UBR4: variants seen among roughly 807,000 people sequenced by gnomAD.
UBR4 encodes E3 ubiquitin-protein ligase UBR4.
In UBR4, 124 loss-of-function variants were observed where a neutral mutation model predicts 575.6. The observed-to-expected ratio is 0.22, with a 90% CI of 0.19 to 0.25. The LOEUF is 0.25. Ranked by LOEUF, UBR4 falls within the 10% of genes least tolerant of loss-of-function variation. UBR4 has a pLI of 1.00. For synonymous variants in UBR4, 2,455 were observed against 2,473.7 expected (o/e 0.99, Z 0.22); for missense variants, 4,818 against 6,478.8 (o/e 0.74, Z 8.80).
Position 19,113,754 on chromosome 1 carries a change from T to C in UBR4, c.11402A>G (p.Gln3801Arg), listed in dbSNP as rs1444619714. 6.2e-7 allele frequency: 1 copy of C among 1,614,120 alleles called. No individual in the cohort carries two copies. Among genetic ancestry groups the C allele is most frequent in the Non-Finnish European group, 8.5e-7 (1 of 1,180,046 alleles). The change falls in exon 77 of 106, where the codon CAG (glutamine) becomes CGG (arginine). Residue 3801 changes from glutamine to arginine, a missense_variant. Coordinates refer to ENST00000375254, the MANE Select transcript of UBR4 (RefSeq NM_020765.3). ...GTTCTTGCAGTCTCCACAATACTCCTGAGCCAACTGCAGGATGTAACGATT... is the reference window on the plus strand; with the variant it reads ...GTTCTTGCAGTCTCCACAATACTCCCGAGCCAACTGCAGGATGTAACGATT... Reference protein sequence around the residue: ...SVNRYILQLAQEYCGDCKNSF... With the variant: ...SVNRYILQLAREYCGDCKNSF...
intron 1 of UBR4, among the ~76,000 whole-genome samples, chr1:19,208,466 C>CAAAAAA (rs71030137): frequency 5.2e-5 from 4 of 76,860 alleles, no homozygotes; most frequent in East Asian, 1.1e-3. Context: ...GAATCCATCT[C>CAAAAAA]AAAAAAAAAA....
chr1:19,142,321 A>C (rs1445713150), intron 55 of UBR4, among the ~76,000 whole-genome samples: 1 of 152,226 alleles, frequency 6.6e-6, no homozygotes, highest in Non-Finnish European at 1.5e-5. Context: ...GCCTGTGCCC[A>C]CTTTTGTGTG....
chr1:19,174,718 GT>G (rs2090034047), intron 21 of UBR4, among the ~76,000 whole-genome samples: 1 of 152,164 alleles, frequency 6.6e-6, no homozygotes, highest in Non-Finnish European at 1.5e-5. Flanking sequence ...AACAAAGACT[GT>G]CTTCAAAAAT....
At chr1:19,104,776 C>G (rs2149151267) in intron 85 of UBR4, 110 bp from the exon 86 acceptor site, 2 of 1,234,486 alleles carry the variant, frequency 1.6e-6, no homozygotes, top group Non-Finnish European at 1.2e-6. Context: ...GTTACATCTT[C>G]TTAATCGAAC....
At chr1:19,078,357 C>A in intron 103 of UBR4, 1 of 306,616 alleles carries the variant, frequency 3.3e-6, no homozygotes, top group Non-Finnish European at 6.2e-6. Context: ...CCAGGGCAGA[C>A]GTGGCAAATG....
At chr1:19,204,408 G>A (rs1027278466) in intron 1 of UBR4, among the ~76,000 whole-genome samples, 1 of 151,972 alleles carries the variant, frequency 6.6e-6, no homozygotes, top group Non-Finnish European at 1.5e-5. Context: ...CCAAAGTTCA[G>A]AGCTGCTTAT....
chr1:19,121,893 A>G, intron 67 of UBR4, 41 bp downstream of exon 67: 1 of 1,610,558 alleles, frequency 6.2e-7, no homozygotes, highest in Non-Finnish European at 8.5e-7. Context: ...CAGTTCCTGA[A>G]TGAATGAATA....
At chr1:19,159,118 C>T (rs1256988727) in intron 39 of UBR4, among the ~76,000 whole-genome samples, 1 of 152,128 alleles carries the variant, frequency 6.6e-6, no homozygotes, top group Non-Finnish European at 1.5e-5. Context: ...TGCACTCCAG[C>T]CTAGGTGACA....
At chr1:19,127,816 G>T in intron 62 of UBR4, 77 bp from the exon 63 acceptor site, 2 of 1,216,670 alleles carry the variant, frequency 1.6e-6, no homozygotes, top group Non-Finnish European at 1.2e-6. Flanking sequence ...ATCCCTTCAA[G>T]TCAAGCCCAT....
chr1:19,187,097 C>A, intron 13 of UBR4, 67 bp downstream of exon 13: 10 of 713,540 alleles, frequency 1.4e-5, no homozygotes, highest in Non-Finnish European at 1.5e-5. Flanking sequence ...TATATATATA[C>A]ATATATATAT....
rs1334989735 is a variant in UBR4, at chr1:19,144,000, G to T, written c.8159C>A (p.Pro2720His). ...KRRHVTLPSS[P>H]RSNTPMGDKD... ...ATTACCCATTGGAGTGTTGCTTCGA[G>T]GGGAAGAGGGTAAAGTCACATGTCT... The change falls in exon 55 of 106, where the codon CCT becomes CAT. Residue 2720 changes from proline (P) to histidine (H), a missense_variant. By Grantham distance (77) the Pro-to-His change is moderately conservative (BLOSUM62 -2). Coordinates refer to ENST00000375254, the MANE Select transcript of UBR4 (RefSeq NM_020765.3). 1 of 1,613,850 alleles carries T rather than the reference G, an allele frequency of 6.2e-7. No individual in the cohort carries two copies. Among genetic ancestry groups the T allele is most frequent in the Non-Finnish European group, 8.5e-7 (1 of 1,179,790 alleles).
chr1:19,121,438 C>A lies in UBR4; in HGVS notation c.9896-4G>T. On this transcript the variant is annotated splice_region_variant and splice_polypyrimidine_tract_variant and intron_variant, in intron 67 of 105. Coordinates refer to ENST00000375254, the MANE Select transcript of UBR4 (RefSeq NM_020765.3). ...TGGAGGAGGAAGTACAGGACGGCTG[C>A]AAGCAGAGGAGACAGAGGCTCACCT... 1 of 1,611,574 alleles carries A rather than the reference C, an allele frequency of 6.2e-7. No individual in the cohort carries two copies. Among genetic ancestry groups the A allele is most frequent in the Non-Finnish European group, 8.5e-7 (1 of 1,178,188 alleles).
At chr1:19,141,919 A>G in intron 55 of UBR4, 142 bp from the exon 56 acceptor site, 1 of 1,195,498 alleles carries the variant, frequency 8.4e-7, no homozygotes, top group Non-Finnish European at 1.2e-6. Flanking sequence ...CCGGGGTGCT[A>G]TGCCTGGCCT....
At position 19,086,673 on chromosome 1, in the gene UBR4, GCCTA is replaced by G. The variant is rs2077049408; in HGVS notation, c.14687+2_14687+5del. ...AAGGAGCCATTCCGCAAGAGCCAGG[GCCTA>G]CCTGACGGCAGCCAGATGGCAGTCG... On this transcript the variant is annotated splice_donor_variant and splice_donor_5th_base_variant and intron_variant, in intron 100 of 105. Coordinates refer to ENST00000375254, the MANE Select transcript of UBR4 (RefSeq NM_020765.3). LOFTEE classifies it high-confidence loss of function. 1 of 1,613,694 alleles carries G rather than the reference GCCTA, an allele frequency of 6.2e-7. No individual in the cohort carries two copies. The highest frequency in any genetic ancestry group is 8.5e-7 in the Non-Finnish European group (1 of 1,179,910).
chr1:19,126,304 C>T, intron 64 of UBR4, 142 bp downstream of exon 64: 1 of 931,888 alleles, frequency 1.1e-6, no homozygotes, highest in Non-Finnish European at 1.7e-6. Flanking sequence ...TTCAATCACG[C>T]CGAGATTAAC....
At position 19,124,574 on chromosome 1, in the gene UBR4, G is replaced by A; in HGVS notation, c.9555C>T (p.Val3185=). The A allele has an allele frequency of 1.2e-6, 2 of 1,614,230 alleles. No individual in the cohort carries two copies. Among genetic ancestry groups the A allele is most frequent in the Non-Finnish European group, 1.7e-6 (2 of 1,180,036 alleles). ...GAAAGTAAAACCACGAGTGGTCAAA[G>A]ACAGGAGGTGGGATTCGAGAATTGG... The part of the protein sequence containing the change: ...TDTNSRIPPP[V]FDHSWFYFLS... Residue 3185 remains valine (V), a synonymous_variant, in exon 65 of 106, where the codon GTC becomes GTT. Transcript: ENST00000375254.
intron 22 of UBR4, 121 bp downstream of exon 22, chr1:19,174,198 T>G (rs1212093198): frequency 2.4e-6 from 3 of 1,274,714 alleles, no homozygotes; most frequent in Non-Finnish European, 3.2e-6. Flanking sequence ...AATACTCAAG[T>G]ATCAGTCAGT....
In UBR4 at chr1:19,117,156, G is replaced by C; in HGVS notation, c.10823+65C>G. On this transcript the variant is annotated intron_variant, in intron 73 of 105. Coordinates refer to ENST00000375254, the MANE Select transcript of UBR4 (RefSeq NM_020765.3). This position sits in a 1 kb window ranked among gnomAD's most constrained non-coding sequence, Gnocchi z 4.0. ...GCTGCCTTACTCCATTCCAGGAACC[G>C]AAGGCAGCAACTGAGCTTCAGCCTT... 1.3e-6 allele frequency: 2 copies of C among 1,562,446 alleles called. No individual in the cohort carries two copies. Among genetic ancestry groups the C allele is most frequent in the Non-Finnish European group, 1.7e-6 (2 of 1,144,788 alleles).
intron 87 of UBR4, among the ~76,000 whole-genome samples, chr1:19,102,239 C>T (rs2078708814): frequency 6.6e-6 from 1 of 152,146 alleles, no homozygotes; most frequent in South Asian, 2.1e-4. Context: ...GTGGCACACG[C>T]CTATAGTCCC....
Sources: gnomAD v4.1 joint callset for allele counts (sites outside exome capture counted in the v4.1 genomes callset) on GRCh38, gnomAD v4.1.1 for gene constraint, Gnocchi (gnomAD v3.1) non-coding constraint, MANE v1.5 for transcripts, NCBI Gene and HGNC (gene_info 2026-07-23, HGNC 2026-07-21) for gene names.